The following CASKIN1 variants were observed in gnomAD, a reference collection of about 807,000 sequenced individuals.
CASKIN1 encodes the protein CASK interacting protein 1, also known as caskin-1.
Under a neutral mutation model 117.5 loss-of-function variants are expected in CASKIN1, and 42 were observed. That is an observed-to-expected ratio of 0.36 (90% CI 0.28 to 0.46). The LOEUF is 0.46. Ranked by LOEUF, CASKIN1 falls within the 20% of genes least tolerant of loss-of-function variation. CASKIN1 has a pLI of 1.00. For missense variants in CASKIN1, 2,083 were observed against 2,077.3 expected (o/e 1.00, Z -0.05); for synonymous variants, 1,148 against 961.7 (o/e 1.19, Z -3.59).
chr16:2,189,963 C>A, intron 3 of CASKIN1, 110 bp downstream of exon 3: 2 of 996,858 alleles, frequency 2.0e-6, no homozygotes, highest in Non-Finnish European at 1.5e-6. Context: ...TGCCTGAAAT[C>A]AGACTGAGAC....
Position 2,182,063 on chromosome 16 carries a change from G to A in CASKIN1, c.1630-134C>T, listed in dbSNP as rs1442720410. The A allele has an allele frequency of 8.0e-6, 10 of 1,252,390 alleles. No homozygotes were observed. In the East Asian group the frequency reaches 9.5e-5, roughly 12 times the overall value. The allele number at this position is 1,252,390 out of a possible 1,614,324, so 77.6% of individuals were successfully genotyped here. On this transcript the variant is annotated intron_variant, in intron 16 of 19. Coordinates refer to ENST00000343516, the MANE Select transcript of CASKIN1 (RefSeq NM_020764.4). This position sits in a 1 kb window ranked among gnomAD's most constrained non-coding sequence, Gnocchi z 4.1. The stretch of plus-strand genomic sequence containing the variant: ...CAGGAGGACAAACGGATAGGCCGAG[G>A]TATTGGCACCAGAAATGTAGGCAGA...
At chr16:2,193,112 G>A (rs1352568803) in intron 1 of CASKIN1, among the ~76,000 whole-genome samples, 32 of 152,138 alleles carry the variant, frequency 2.1e-4, no homozygotes, top group Admixed American at 2.1e-3. Context: ...CCACCTCCCG[G>A]GTTCAAGCAA....
intron 19 of CASKIN1, 47 bp from the exon 20 acceptor site, chr16:2,178,693 CCACGCCCACCCCGACCAGGA>C (rs752238675): frequency 5.3e-6 from 8 of 1,504,812 alleles, no homozygotes; most frequent in Non-Finnish European, 5.4e-6. Flanking sequence ...GCGGGTCTGG[CCACGCCCACCCCGACCAGGA>C]CACGCCCACG....
At chr16:2,193,756 C>G (rs2093207571) in intron 1 of CASKIN1, among the ~76,000 whole-genome samples, 1 of 152,212 alleles carries the variant, frequency 6.6e-6, no homozygotes, top group African/African-American at 2.4e-5. Flanking sequence ...CCATCTCGTC[C>G]CTCTCCCCAC....
At chr16:2,188,829 T>C (rs2093192456) in intron 6 of CASKIN1, 198 bp downstream of exon 6, 4 of 709,640 alleles carry the variant, frequency 5.6e-6, no homozygotes, top group Non-Finnish European at 9.0e-6. Context: ...GACAGAGACG[T>C]CGCAGAAGCC....
intron 1 of CASKIN1, among the ~76,000 whole-genome samples, chr16:2,193,606 C>G (rs1049834035): frequency 7.2e-5 from 11 of 152,242 alleles, no homozygotes; most frequent in Non-Finnish European, 1.3e-4. Flanking sequence ...AAACCACCTT[C>G]TCACCCAGCC....
At chr16:2,191,663 C>T (rs376025259) in intron 1 of CASKIN1, among the ~76,000 whole-genome samples, 5 of 152,372 alleles carry the variant, frequency 3.3e-5, no homozygotes, top group East Asian at 1.9e-4. Context: ...CCAGCCTCAC[C>T]GGCCCCTCCC....
At chr16:2,189,826 G>C in intron 3 of CASKIN1, among the ~76,000 whole-genome samples, 1 of 152,024 alleles carries the variant, frequency 6.6e-6, no homozygotes, top group African/African-American at 2.4e-5. Flanking sequence ...AACCCTGGGA[G>C]GTGGGGGGAA....
At position 2,181,193 on chromosome 16, in the gene CASKIN1, C is replaced by G; in HGVS notation, c.2175G>C (p.Gln725His). 3 of 1,560,782 alleles carry G rather than the reference C, an allele frequency of 1.9e-6. No homozygotes were observed. Among genetic ancestry groups the G allele is most frequent in the Non-Finnish European group, 1.7e-6 (2 of 1,164,516 alleles). ...PGPSSPMSRS[Q>H]EYLLDEGPAP... ...CGGGGCCCTCATCCAGGAGGTACTC[C>G]TGGCTTCGAGACATGGGGCTGCTGG... Residue 725 changes from glutamine to histidine, a missense_variant, in exon 18 of 20, where the codon CAG (glutamine) becomes CAC (histidine). Transcript: ENST00000343516.
chr16:2,182,431 C>A lies in CASKIN1; in HGVS notation c.1630-502G>T, dbSNP rs1477815543. On this transcript the variant is annotated intron_variant, in intron 16 of 19. Transcript: ENST00000343516. This position sits in a 1 kb window ranked among gnomAD's most constrained non-coding sequence, Gnocchi z 4.1. The stretch of plus-strand genomic sequence containing the variant: ...GCCACAACACACACACGTGCCAACA[C>A]CCACAGCAATCTGCACCGAGAAACA... Among the ~76,000 whole-genome samples, 1 of 152,110 alleles carries A rather than the reference C, an allele frequency of 6.6e-6. No individual in the cohort carries two copies. The highest frequency in any genetic ancestry group is 2.4e-5 in the African/African-American group (1 of 41,408).
intron 1 of CASKIN1, among the ~76,000 whole-genome samples, chr16:2,194,613 G>C (rs922346732): frequency 6.6e-6 from 1 of 152,206 alleles, no homozygotes; most frequent in African/African-American, 2.4e-5. Flanking sequence ...AAGCAGGCCA[G>C]CGTTGCCATG....
intron 6 of CASKIN1, 172 bp downstream of exon 6, chr16:2,188,855 G>T: frequency 2.2e-6 from 2 of 909,540 alleles, no homozygotes; most frequent in Non-Finnish European, 3.2e-6. Context: ...CCCAGCCCCT[G>T]CAGCTCATCC....
In CASKIN1 at chr16:2,179,616, G is replaced by A. The variant is rs201211065; in HGVS notation, c.3752C>T (p.Pro1251Leu). The change falls in exon 18 of 20, where the codon CCG (proline) becomes CTG (leucine). Residue 1251 changes from proline (P) to leucine (L), a missense_variant. Pro to Leu is a moderately conservative substitution (Grantham distance 98). This residue lies in a region of CASKIN1 where 1,818 missense variants were observed against 1,688.9 expected (regional missense o/e 1.08). Transcript: ENST00000343516. The surrounding 1 kb of genome is among the most constrained non-coding windows in gnomAD (Gnocchi z 5.8). ...ACCTGGGCTGCCAGGGCCTGGCAGC[G>A]GCACCTTCTTGGAGGTGGGTGTGGG... ...GSPTPTSKKV[P>L]LPGPGSPEVK... 7.8e-3 allele frequency: 11,398 copies of A among 1,458,688 alleles called. 63 individuals carry two copies. Among genetic ancestry groups the A allele is most frequent in the Non-Finnish European group, 9.1e-3 (10,168 of 1,111,326 alleles). 90.4% of individuals were successfully genotyped at this position (1,458,688 alleles called of 1,614,324 possible).
At position 2,189,626 on chromosome 16, in the gene CASKIN1, G is replaced by T. The variant is rs1462622838; in HGVS notation, c.245-62C>A. ...CCCCAAACCCAACCCTGGAGGATAG[G>T]GGGGTGCTGGGACCTGACCCCTGAC... On this transcript the variant is annotated intron_variant, in intron 3 of 19. Coordinates refer to ENST00000343516, the MANE Select transcript of CASKIN1 (RefSeq NM_020764.4). 3.3e-6 allele frequency: 5 copies of T among 1,521,634 alleles called. No individual in the cohort carries two copies. The South Asian group carries it at 6.3e-5, about 19-fold the overall frequency. 94.3% of individuals were successfully genotyped at this position (1,521,634 alleles called of 1,614,324 possible).
At chr16:2,181,739 GGGC>G in intron 17 of CASKIN1, 49 bp downstream of exon 17, 1 of 1,589,236 alleles carries the variant, frequency 6.3e-7, no homozygotes, top group Non-Finnish European at 8.6e-7. Context: ...CTGGTGGCTG[GGGC>G]TTGGGCTGAG....
Position 2,196,318 on chromosome 16 carries a change from C to A in CASKIN1, c.94+21G>T, listed in dbSNP as rs1245129800. 4 of 1,152,114 alleles carry A rather than the reference C, an allele frequency of 3.5e-6. No individual in the cohort carries two copies. The African/African-American group carries it at 6.6e-5, about 19-fold the overall frequency. The allele number at this position is 1,152,114 out of a possible 1,614,324, so 71.4% of individuals were successfully genotyped here. A position where few individuals can be genotyped will look rare whatever the true frequency, so the allele number is the denominator to read the frequency against. ...GGGGCCCCCGGGGCTCCCACCCGCGCCCCGCGCCCCCGGCACTCACTGGCC... is the reference window on the plus strand; with the variant it reads ...GGGGCCCCCGGGGCTCCCACCCGCGACCCGCGCCCCCGGCACTCACTGGCC... On this transcript the variant is annotated intron_variant, in intron 1 of 19. Transcript: ENST00000343516. This position sits in a 1 kb window ranked among gnomAD's most constrained non-coding sequence, Gnocchi z 5.7.
Position 2,178,636 on chromosome 16 carries a change from C to T in CASKIN1, c.4210G>A (p.Ala1404Thr). ...EDAQGPRDSA[A>T]EKSTGSILDD... ...AGGATGCTGCCAGTGCTCTTTTCCG[C>T]CGCCGAGTCGCTGCGGGGCGCGGGG... The change falls in exon 20 of 20, where the codon GCG becomes ACG. Residue 1404 changes from alanine to threonine, a missense_variant. Ala to Thr is a moderately conservative substitution (Grantham distance 58). Coordinates refer to ENST00000343516, the MANE Select transcript of CASKIN1 (RefSeq NM_020764.4). The T allele has an allele frequency of 6.3e-7, 1 of 1,591,488 alleles. No individual in the cohort carries two copies. Among genetic ancestry groups the T allele is most frequent in the Non-Finnish European group, 8.5e-7 (1 of 1,174,638 alleles).
chr16:2,177,919 GC>G lies in CASKIN1; in HGVS notation c.*630del, dbSNP rs749026241. 192 of 344,406 alleles carry G rather than the reference GC, an allele frequency of 5.6e-4. No homozygotes were observed. The highest frequency in any genetic ancestry group is 8.9e-4 in the Non-Finnish European group (164 of 183,744). 21.3% of individuals were successfully genotyped at this position (344,406 alleles called of 1,614,324 possible). ...CTAGCAGCCTGGGGCCTCCACTCTGGCCGGAGGAAGGACCGCAGGCAGACAG... is the reference window on the plus strand; with the variant it reads ...CTAGCAGCCTGGGGCCTCCACTCTGGCGGAGGAAGGACCGCAGGCAGACAG... On this transcript the variant is annotated 3_prime_UTR_variant, in exon 20 of 20. Coordinates refer to ENST00000343516, the MANE Select transcript of CASKIN1 (RefSeq NM_020764.4).
chr16:2,183,456 T>G (rs2093174167), intron 16 of CASKIN1, among the ~76,000 whole-genome samples, 190 bp downstream of exon 16: 2 of 152,144 alleles, frequency 1.3e-5, no homozygotes, highest in African/African-American at 2.4e-5. Flanking sequence ...CTGGACAGCA[T>G]CACCTTGCCC....
Sources: gnomAD v4.1 joint callset for allele counts (sites outside exome capture counted in the v4.1 genomes callset) on GRCh38, gnomAD v4.1.1 for gene constraint, gnomAD v4.1.1 regional missense constraint, Gnocchi (gnomAD v3.1) non-coding constraint, MANE v1.5 for transcripts, NCBI Gene and HGNC (gene_info 2026-07-23, HGNC 2026-07-21) for gene names.